PTPRT: variants seen among roughly 807,000 people sequenced by gnomAD.
PTPRT encodes receptor-type tyrosine-protein phosphatase T.
A neutral mutation model predicts 176.8 loss-of-function variants in PTPRT; 56 were observed. The observed-to-expected ratio is 0.32, with a 90% CI of 0.26 to 0.40. The LOEUF is 0.40. Among genes scored for constraint, PTPRT ranks in the 10% least tolerant of loss-of-function variants. The probability of loss-of-function intolerance (pLI) is 1.00; values close to 1 mark genes in which losing one functional copy is unlikely to be tolerated. For missense variants in PTPRT, 1,540 were observed against 1,908.2 expected (o/e 0.81, Z 3.60); for synonymous variants, 783 against 739.0 (o/e 1.06, Z -0.96).
At chr20:42,613,426 CATACTAGTT>C (rs2074007990) in intron 7 of PTPRT, among the ~76,000 whole-genome samples, 1 of 152,212 alleles carries the variant, frequency 6.6e-6, no homozygotes, top group African/African-American at 2.4e-5. Flanking sequence ...CCGTTAAATC[CATACTAGTT>C]ATGCAGCTCT....
chr20:42,883,837 C>T (rs1568658713), intron 2 of PTPRT, among the ~76,000 whole-genome samples: 3 of 10,340 alleles, frequency 2.9e-4, no homozygotes, highest in Non-Finnish European at 6.8e-4. Context: ...CACACACCCC[C>T]ATACACATAG....
chr20:42,676,724 G>C (rs929411587), intron 7 of PTPRT, among the ~76,000 whole-genome samples: 1 of 152,154 alleles, frequency 6.6e-6, no homozygotes, highest in African/African-American at 2.4e-5. Context: ...AGTACTTACA[G>C]CAAAAGTTTA....
chr20:42,675,460 C>T (rs969575737), intron 7 of PTPRT, among the ~76,000 whole-genome samples: 4 of 152,114 alleles, frequency 2.6e-5, no homozygotes, highest in African/African-American at 9.7e-5. Context: ...TTTTGTATGT[C>T]GAACCATCAG....
rs1266797401 is a variant in PTPRT at position 43,003,588 on chromosome 20, T to C, written c.89-117656A>G. 3.3e-5 allele frequency among the ~76,000 whole-genome samples: 5 copies of C among 152,352 alleles called. No homozygotes were observed. In the East Asian group the frequency reaches 9.6e-4, roughly 29 times the overall value. Reference sequence around the variant, plus strand: ...ACATGGGCATCACCTGATTAGTCATTTTTACTTATACTTTGTGATTTAAAA... The same window carrying C: ...ACATGGGCATCACCTGATTAGTCATCTTTACTTATACTTTGTGATTTAAAA... On this transcript the variant is annotated intron_variant, in intron 1 of 30. Coordinates refer to ENST00000373187, the MANE Select transcript of PTPRT (RefSeq NM_007050.6).
At chr20:42,505,596 C>CT (rs11482395) in intron 7 of PTPRT, among the ~76,000 whole-genome samples, 1,850 of 152,280 alleles carry the variant, frequency 0.012, 36 homozygotes, top group African/African-American at 0.043. Flanking sequence ...GCCACCAAGC[C>CT]TGGCCTCCTG....
chr20:43,059,153 T>C (rs1987356942), intron 1 of PTPRT, among the ~76,000 whole-genome samples: 1 of 152,244 alleles, frequency 6.6e-6, no homozygotes, highest in Non-Finnish European at 1.5e-5. Context: ...TCTTGGAGAA[T>C]AGCTCCTGGC....
chr20:42,666,323 AG>A (rs1307283662), intron 7 of PTPRT, among the ~76,000 whole-genome samples: 1 of 152,068 alleles, frequency 6.6e-6, no homozygotes, highest in Non-Finnish European at 1.5e-5. Flanking sequence ...TTTTTGTGAA[AG>A]GGTTTATGTT....
At chr20:42,587,118 T>C (rs1462921356) in intron 7 of PTPRT, among the ~76,000 whole-genome samples, 1 of 152,222 alleles carries the variant, frequency 6.6e-6, no homozygotes, top group Non-Finnish European at 1.5e-5. Flanking sequence ...GCTGGAATCC[T>C]TGTTTCATCC....
At position 42,756,538 on chromosome 20, in the gene PTPRT, G is replaced by A. The variant is rs374941317; in HGVS notation, c.783C>T (p.Ser261=). The A allele has an allele frequency of 5.0e-6, 8 of 1,612,698 alleles. No individual in the cohort carries two copies. The highest frequency in any genetic ancestry group is 2.2e-5 in the East Asian group (1 of 44,824). The change falls in exon 6 of 31, where the codon AGC becomes AGT. Residue 261 remains serine (S), a synonymous_variant. Transcript: ENST00000373187. ...GGATCACACAGCGGTACTTGCTGAC[G>A]CTCCGCTGGGCAGTGTCTGCCACAC... ...TVSVADTAQR[S]VSKYRCVIRS... is the part of the protein sequence containing the mutation.
intron 8 of PTPRT, among the ~76,000 whole-genome samples, chr20:42,471,116 G>A (rs1601085884): frequency 6.6e-6 from 1 of 152,074 alleles, no homozygotes; most frequent in East Asian, 1.9e-4. Flanking sequence ...TTCAGTTCTG[G>A]GTGGATCCAA....
At chr20:42,350,507 C>G (rs2071853) in intron 11 of PTPRT, 121 bp downstream of exon 11, 1 of 852,510 alleles carries the variant, frequency 1.2e-6, no homozygotes, top group Admixed American at 2.0e-5. Context: ...CTCCTTCCTC[C>G]GAGGAAGCTT....
intron 14 of PTPRT, among the ~76,000 whole-genome samples, chr20:42,242,224 T>C (rs1048058995): frequency 6.6e-6 from 1 of 152,190 alleles, no homozygotes; most frequent in African/African-American, 2.4e-5. Context: ...CCACAGGACT[T>C]GGTGCACGAA....
At chr20:42,726,098 A>ATG (rs762451632) in intron 6 of PTPRT, among the ~76,000 whole-genome samples, 2 of 132,050 alleles carry the variant, frequency 1.5e-5, no homozygotes, top group Non-Finnish European at 3.3e-5. Flanking sequence ...TTATTATTAT[A>ATG]GACTGAGTTT....
chr20:43,166,132 G>A (rs1041248724), intron 1 of PTPRT, among the ~76,000 whole-genome samples: 3 of 151,912 alleles, frequency 2.0e-5, no homozygotes, highest in East Asian at 1.9e-4. Context: ...CGAGACCATC[G>A]TGGCCAACAT....
At chr20:42,086,749 A>ATAT (rs59068856) in intron 27 of PTPRT, among the ~76,000 whole-genome samples, 6 of 75,178 alleles carry the variant, frequency 8.0e-5, no homozygotes, top group Non-Finnish European at 1.0e-4. Flanking sequence ...AAAAAAAAAA[A>ATAT]AAAAATATAT....
chr20:42,785,939 C>T (rs2077283166), intron 3 of PTPRT, among the ~76,000 whole-genome samples: 1 of 152,158 alleles, frequency 6.6e-6, no homozygotes, highest in Non-Finnish European at 1.5e-5. Flanking sequence ...ATTGTAATCC[C>T]CATAATCCCT....
intron 8 of PTPRT, among the ~76,000 whole-genome samples, chr20:42,468,639 GGAA>G (rs1256704181): frequency 1.3e-5 from 2 of 152,166 alleles, no homozygotes; most frequent in East Asian, 3.8e-4. Flanking sequence ...CTTGGTGACA[GGAA>G]GAAGAAAGAG....
chr20:42,107,343 AGAGAGT>A (rs1173132712), intron 23 of PTPRT, among the ~76,000 whole-genome samples: 2 of 152,216 alleles, frequency 1.3e-5, no homozygotes, highest in African/African-American at 4.8e-5. Context: ...TCCCCAAGAC[AGAGAGT>A]GGTTGGTGGA....
At chr20:43,159,270 G>A (rs1490327229) in intron 1 of PTPRT, among the ~76,000 whole-genome samples, 1 of 152,182 alleles carries the variant, frequency 6.6e-6, no homozygotes, top group Non-Finnish European at 1.5e-5. Context: ...TGAGAGCTGG[G>A]GGTGGATACT....
Sources: allele counts gnomAD v4.1 joint callset (sites outside exome capture counted in the v4.1 genomes callset), GRCh38; gene constraint gnomAD v4.1.1; transcripts MANE v1.5; gene names NCBI Gene and HGNC (gene_info 2026-07-23, HGNC 2026-07-21).